TMEM117: variants seen among roughly 807,000 people sequenced by gnomAD.
TMEM117 encodes transmembrane protein 117.
Under a neutral mutation model 52.4 loss-of-function variants are expected in TMEM117, and 27 were observed. The ratio of observed to expected loss-of-function variants is 0.51; its 90% CI spans 0.38 to 0.71. The LOEUF is 0.71. Ranked by LOEUF, TMEM117 falls within the 30% of genes least tolerant of loss-of-function variation. The pLI, the probability that TMEM117 is intolerant of heterozygous loss-of-function variation, is 0.00. For missense variants in TMEM117, 556 were observed against 630.5 expected (o/e 0.88, Z 1.26); for synonymous variants, 215 against 206.3 (o/e 1.04, Z -0.36).
intron 3 of TMEM117, among the ~76,000 whole-genome samples, chr12:44,064,792 T>C (rs1006408475): frequency 1.4e-4 from 22 of 152,270 alleles, no homozygotes; most frequent in Non-Finnish European, 3.1e-4. Context: ...TAAAGTTGTA[T>C]ATGTATAGGA....
At chr12:44,177,080 C>CA (rs1949125502) in intron 4 of TMEM117, among the ~76,000 whole-genome samples, 1 of 152,100 alleles carries the variant, frequency 6.6e-6, no homozygotes, top group Non-Finnish European at 1.5e-5. Flanking sequence ...AATCAAGCTA[C>CA]AAACCATTAA....
intron 6 of TMEM117, among the ~76,000 whole-genome samples, chr12:44,354,320 C>T (rs972129177): frequency 4.6e-5 from 7 of 151,788 alleles, no homozygotes; most frequent in East Asian, 1.9e-4. Flanking sequence ...CCAGAACTTC[C>T]GGCCAGCATC....
At chr12:43,830,087 C>CAA in the TMEM117 span, among the ~76,000 whole-genome samples, 6 of 72,474 alleles carry the variant, frequency 8.3e-5, no homozygotes, top group Non-Finnish European at 1.4e-4. Flanking sequence ...GACTCTGTCT[C>CAA]AAAAAAAAAA....
chr12:44,306,402 A>ACC (rs1950903857), intron 6 of TMEM117, among the ~76,000 whole-genome samples: 2 of 152,206 alleles, frequency 1.3e-5, no homozygotes, highest in African/African-American at 2.4e-5. Context: ...ACATAGATAT[A>ACC]TATGTGCAGG....
At chr12:44,373,178 A>G (rs766360802) in intron 6 of TMEM117, among the ~76,000 whole-genome samples, 3 of 152,244 alleles carry the variant, frequency 2.0e-5, no homozygotes, top group Non-Finnish European at 2.9e-5. Flanking sequence ...TCCCACCTGC[A>G]TAGCAGCAGT....
chr12:43,844,984 C>T, intron 2 of TMEM117, 56 bp downstream of exon 2: 2 of 1,542,964 alleles, frequency 1.3e-6, no homozygotes, highest in Middle Eastern at 1.8e-4. Context: ...TTCTATTCTC[C>T]AAGATACAAC....
intron 3 of TMEM117, among the ~76,000 whole-genome samples, chr12:44,008,117 C>T (rs545395594): frequency 7.2e-4 from 110 of 152,300 alleles, no homozygotes; most frequent in African/African-American, 2.5e-3. Flanking sequence ...CTTATCTGTG[C>T]TTCCTACAAA....
chr12:43,945,700 C>A (rs1945120797), intron 3 of TMEM117, among the ~76,000 whole-genome samples: 1 of 152,174 alleles, frequency 6.6e-6, no homozygotes, highest in South Asian at 2.1e-4. Flanking sequence ...AATAATAAAC[C>A]ACTTTAGGTA....
chr12:43,850,361 A>C (rs932486088), intron 2 of TMEM117, among the ~76,000 whole-genome samples: 1 of 152,014 alleles, frequency 6.6e-6, no homozygotes, highest in Non-Finnish European at 1.5e-5. Flanking sequence ...ATAAAAGCTA[A>C]ACTCCTTTGA....
chr12:44,130,302 T>C (rs1371158579), intron 3 of TMEM117, among the ~76,000 whole-genome samples: 2 of 152,188 alleles, frequency 1.3e-5, no homozygotes, highest in Non-Finnish European at 2.9e-5. Context: ...TCATCACTGA[T>C]GTCAATCAAA....
intron 3 of TMEM117, among the ~76,000 whole-genome samples, chr12:44,027,927 C>T (rs560773469): frequency 9.2e-5 from 14 of 152,100 alleles, no homozygotes; most frequent in Non-Finnish European, 1.8e-4. Context: ...TGTTTGAGGC[C>T]GGGTGCGGTG....
chr12:44,047,513 A>G (rs1012811739), intron 3 of TMEM117, among the ~76,000 whole-genome samples: 4 of 152,136 alleles, frequency 2.6e-5, no homozygotes, highest in African/African-American at 9.7e-5. Flanking sequence ...CATATTCAAG[A>G]CAAAGAGATT....
At chr12:44,165,584 A>G (rs905004973) in intron 4 of TMEM117, among the ~76,000 whole-genome samples, 2 of 152,230 alleles carry the variant, frequency 1.3e-5, no homozygotes, top group Admixed American at 1.3e-4. Context: ...AGCTATACTT[A>G]GATAAAACAG....
At chr12:44,179,121 G>A (rs1178061413) in intron 4 of TMEM117, among the ~76,000 whole-genome samples, 2 of 152,052 alleles carry the variant, frequency 1.3e-5, no homozygotes, top group East Asian at 3.9e-4. Flanking sequence ...TTGAACCCGG[G>A]AGGTGGAGTT....
intron 5 of TMEM117, among the ~76,000 whole-genome samples, 158 bp downstream of exon 5, chr12:44,211,545 A>G (rs1313947817): frequency 2.0e-5 from 3 of 152,164 alleles, no homozygotes; most frequent in Non-Finnish European, 2.9e-5. Context: ...TATTTTATGA[A>G]TTAATTTCTT....
rs1189087472 is a variant in TMEM117 at position 44,375,000 on chromosome 12, T to C, written c.769-1595T>C. On this transcript the variant is annotated intron_variant, in intron 6 of 7. Transcript: ENST00000266534. Reference sequence around the variant, plus strand: ...AGTTATATTTTAGCAAAATACTAAATTCAATGTCTATTATTATTATCATTA... The same window carrying C: ...AGTTATATTTTAGCAAAATACTAAACTCAATGTCTATTATTATTATCATTA... Among the ~76,000 whole-genome samples, 19 of 152,156 alleles carry C rather than the reference T, an allele frequency of 1.2e-4. 1 individual carries two copies. Among genetic ancestry groups the C allele is most frequent in the Non-Finnish European group, 2.9e-5 (2 of 68,032 alleles).
At chr12:44,226,354 G>A (rs1435849006) in intron 5 of TMEM117, among the ~76,000 whole-genome samples, 1 of 152,082 alleles carries the variant, frequency 6.6e-6, no homozygotes, top group Non-Finnish European at 1.5e-5. Context: ...CCTTGAAATA[G>A]CATGGTGATA....
intron 3 of TMEM117, among the ~76,000 whole-genome samples, chr12:44,132,623 T>C (rs757402772): frequency 1.3e-5 from 2 of 152,176 alleles, no homozygotes; most frequent in Non-Finnish European, 2.9e-5. Context: ...GCTGAAACTA[T>C]GACCATCCCC....
chr12:43,854,753 C>T (rs998330037), intron 2 of TMEM117, among the ~76,000 whole-genome samples: 5 of 152,134 alleles, frequency 3.3e-5, no homozygotes, highest in Non-Finnish European at 7.3e-5. Context: ...TCTCCTGCCT[C>T]AGCCTCCTGA....
Sources: allele counts gnomAD v4.1 joint callset (sites outside exome capture counted in the v4.1 genomes callset), GRCh38; gene constraint gnomAD v4.1.1; transcripts MANE v1.5; gene names NCBI Gene and HGNC (gene_info 2026-07-23, HGNC 2026-07-21).